The following ZEB1 variants were observed in gnomAD, a reference collection of about 807,000 sequenced individuals.
ZEB1 encodes zinc finger E-box-binding homeobox 1.
In ZEB1, 21 loss-of-function variants were observed where a neutral mutation model predicts 84.9. That is an observed-to-expected ratio of 0.25 (90% confidence interval 0.18 to 0.36). ZEB1 has a LOEUF of 0.36. ZEB1 is among the 10% of genes least tolerant of loss of function. ZEB1 has a pLI of 1.00. For synonymous variants in ZEB1, 420 were observed against 471.1 expected (o/e 0.89, Z 1.41); for missense variants, 1,104 against 1,330.2 (o/e 0.83, Z 2.65).
chr10:31,497,349 T>C (rs2067391576), intron 3 of ZEB1, among the ~76,000 whole-genome samples: 1 of 152,150 alleles, frequency 6.6e-6, no homozygotes, highest in African/African-American at 2.4e-5. Context: ...CAGTTTGAAG[T>C]ACTGAATAGT....
intron 1 of ZEB1, among the ~76,000 whole-genome samples, chr10:31,338,191 T>C (rs371971355): frequency 1.3e-5 from 2 of 152,258 alleles, no homozygotes. Flanking sequence ...ACTTAAAATA[T>C]GTGTGTTACT....
At chr10:31,462,818 A>C (rs1370305123) in intron 2 of ZEB1, among the ~76,000 whole-genome samples, 1 of 152,164 alleles carries the variant, frequency 6.6e-6, no homozygotes. Flanking sequence ...AGGCTGAGGT[A>C]GTGTCTTCAA....
intron 1 of ZEB1, among the ~76,000 whole-genome samples, chr10:31,421,552 C>G (rs1439422207): frequency 1.3e-5 from 2 of 152,020 alleles, no homozygotes; most frequent in African/African-American, 4.8e-5. Flanking sequence ...TCTCTTTTCT[C>G]TTTCTGAAAT....
chr10:31,460,443 A>G (rs1198697425), intron 1 of ZEB1, among the ~76,000 whole-genome samples: 1 of 152,154 alleles, frequency 6.6e-6, no homozygotes, highest in Admixed American at 6.6e-5. Context: ...GCTTAAAAAT[A>G]CTTGTGGTAA....
chr10:31,435,465 AACT>A (rs2058180183), intron 1 of ZEB1, among the ~76,000 whole-genome samples: 1 of 152,254 alleles, frequency 6.6e-6, no homozygotes, highest in Non-Finnish European at 1.5e-5. Flanking sequence ...GATAATTACA[AACT>A]ACGATGGATG....
At chr10:31,390,919 C>T (rs1023283757) in intron 1 of ZEB1, among the ~76,000 whole-genome samples, 3 of 152,054 alleles carry the variant, frequency 2.0e-5, no homozygotes, top group African/African-American at 7.2e-5. Flanking sequence ...ATACAGTCAC[C>T]TCCTTAGTAG....
At chr10:31,513,722 A>G (rs220061) in intron 5 of ZEB1, among the ~76,000 whole-genome samples, 140,337 of 152,190 alleles carry the variant, frequency 0.92, 64,898 homozygotes, top group East Asian at 1. Context: ...AAGGAGTAAG[A>G]AATTATGTAA....
chr10:31,321,469 G>A (rs1045967647), intron 1 of ZEB1: 2 of 1,613,976 alleles, frequency 1.2e-6, no homozygotes, highest in Non-Finnish European at 1.7e-6. Flanking sequence ...TCCTGTTTTA[G>A]CGTCAAATAG....
At chr10:31,350,388 T>C (rs1352581581) in intron 1 of ZEB1, among the ~76,000 whole-genome samples, 3 of 152,172 alleles carry the variant, frequency 2.0e-5, no homozygotes, top group Non-Finnish European at 4.4e-5. Context: ...GTACCTTATC[T>C]CTATTCTTAT....
intron 1 of ZEB1, among the ~76,000 whole-genome samples, chr10:31,405,701 C>T (rs2052862627): frequency 6.6e-6 from 1 of 151,612 alleles, no homozygotes. Flanking sequence ...TTCTATTACA[C>T]CTAGGCTCTT....
At position 31,524,118 on chromosome 10, in the gene ZEB1, G is replaced by T; in HGVS notation, c.2785+5G>T. 1 of 1,613,130 alleles carries T rather than the reference G, an allele frequency of 6.2e-7. No homozygotes were observed. Among genetic ancestry groups the T allele is most frequent in the Non-Finnish European group, 8.5e-7 (1 of 1,179,472 alleles). ...GACATAAATATGAACACACAGGTAT[G>T]TCAGTGAACACAAACATAAAGTGTC... On this transcript the variant is annotated splice_donor_5th_base_variant and intron_variant, in intron 8 of 8. Coordinates refer to ENST00000424869, the MANE Select transcript of ZEB1 (RefSeq NM_001174096.2).
At chr10:31,389,535 A>G (rs2049233760) in intron 1 of ZEB1, 1 of 151,690 alleles carries the variant, frequency 6.6e-6, no homozygotes, top group Non-Finnish European at 1.5e-5. Flanking sequence ...CATGCTCTTT[A>G]CCTACTCTGG....
intron 2 of ZEB1, among the ~76,000 whole-genome samples, chr10:31,492,247 C>A (rs1339527072): frequency 2.0e-5 from 3 of 151,814 alleles, no homozygotes; most frequent in Admixed American, 2.0e-4. Context: ...AATATGTATT[C>A]AATAGAAACC....
Position 31,527,984 on chromosome 10 carries a change from T to C in ZEB1, c.*720T>C, listed in dbSNP as rs960358923. 2 of 152,310 alleles carry C rather than the reference T, an allele frequency of 1.3e-5. No individual in the cohort carries two copies. Among genetic ancestry groups the C allele is most frequent in the Non-Finnish European group, 2.9e-5 (2 of 68,094 alleles). The allele number at this position is 152,310 out of a possible 1,614,324, so 9.4% of individuals were successfully genotyped here. ...TAAAATGGAGTTCAAAAGATTGCCA[T>C]TGAGTTCTGATTGCAGGGACTAACA... On this transcript the variant is annotated 3_prime_UTR_variant, in exon 9 of 9. Coordinates refer to ENST00000424869, the MANE Select transcript of ZEB1 (RefSeq NM_001174096.2).
intron 1 of ZEB1, among the ~76,000 whole-genome samples, chr10:31,360,268 G>C (rs887039826): frequency 9.9e-5 from 15 of 152,144 alleles, no homozygotes; most frequent in African/African-American, 2.9e-4. Context: ...CTTGGAGCTA[G>C]ACAAACATGA....
chr10:31,519,172 G>T (rs370135135), intron 6 of ZEB1, among the ~76,000 whole-genome samples: 1 of 152,252 alleles, frequency 6.6e-6, no homozygotes, highest in African/African-American at 2.4e-5. Context: ...AAGCCTCAGA[G>T]GCTCCTGCCT....
rs1577181 is a variant in ZEB1, at chr10:31,521,746, T to C, written c.2414T>C (p.Ile805Thr). The change falls in exon 7 of 9, where the codon ATA (isoleucine) becomes ACA (threonine). Residue 805 changes from isoleucine to threonine, a missense_variant. By Grantham distance (89) the Ile-to-Thr change is moderately conservative. This residue lies in a region of ZEB1 where 531 missense variants were observed against 575.2 expected (regional missense o/e 0.92). Coordinates refer to ENST00000424869, the MANE Select transcript of ZEB1 (RefSeq NM_001174096.2). ...AGTGCCAACCCCATAAATATCGCTA[T>C]ACCTACAGTCACTGCCCAGTTACCC... Reference protein sequence around the residue: ...PPSANPINIAIPTVTAQLPTI... With the variant: ...PPSANPINIATPTVTAQLPTI... 5.4e-4 allele frequency: 873 copies of C among 1,614,100 alleles called. 9 individuals carry two copies. In the Admixed American group the frequency reaches 0.014, roughly 26 times the overall value.
intron 1 of ZEB1, among the ~76,000 whole-genome samples, chr10:31,443,519 G>C (rs2059315406): frequency 6.8e-6 from 1 of 148,044 alleles, no homozygotes; most frequent in Admixed American, 6.7e-5. Context: ...CCACTAACTC[G>C]TCATCTAGCA....
chr10:31,371,664 A>G (rs939859859), intron 1 of ZEB1, among the ~76,000 whole-genome samples: 1 of 152,058 alleles, frequency 6.6e-6, no homozygotes, highest in Non-Finnish European at 1.5e-5. Flanking sequence ...CCCCCATCAT[A>G]TTTTAGGTTA....
Sources: gnomAD v4.1 joint callset for allele counts (sites outside exome capture counted in the v4.1 genomes callset) on GRCh38, gnomAD v4.1.1 for gene constraint, gnomAD v4.1.1 regional missense constraint, MANE v1.5 for transcripts, NCBI Gene and HGNC (gene_info 2026-07-23, HGNC 2026-07-21) for gene names.